LEMD3: variants seen among roughly 807,000 people sequenced by gnomAD.
LEMD3 encodes the protein inner nuclear membrane protein Man1.
LEMD3 carries 33 observed loss-of-function variants against 95.2 expected under a neutral mutation model. The ratio of observed to expected loss-of-function variants is 0.35; its 90% CI spans 0.26 to 0.46. The LOEUF (loss-of-function observed/expected upper bound fraction) is 0.46. Ranked by LOEUF, LEMD3 falls within the 20% of genes least tolerant of loss-of-function variation. LEMD3 has a pLI of 1.00. For missense variants in LEMD3, 1,210 were observed against 1,192.8 expected, an observed-to-expected ratio of 1.01 and a Z score of -0.21; for synonymous variants, 525 against 474.6, an observed-to-expected ratio of 1.11 and a Z score of -1.38.
intron 1 of LEMD3, 127 bp downstream of exon 1, chr12:65,171,245 A>G (rs900962982): frequency 1.3e-6 from 2 of 1,504,086 alleles, no homozygotes. Context: ...AAAACGCAAC[A>G]GTGCGTGCAT....
At chr12:65,220,451 T>C (rs143022109) in intron 4 of LEMD3, among the ~76,000 whole-genome samples, 3 of 152,378 alleles carry the variant, frequency 2.0e-5, no homozygotes, top group South Asian at 2.1e-4. Context: ...GGGTTTCTTA[T>C]GCATTTTGCA....
intron 1 of LEMD3, among the ~76,000 whole-genome samples, chr12:65,205,766 T>A (rs1190102482): frequency 6.6e-6 from 1 of 152,122 alleles, no homozygotes; most frequent in Admixed American, 6.6e-5. Context: ...GGGATTACAA[T>A]TGAAAGGTTA....
rs535004445 is a variant in LEMD3 at position 65,201,973 on chromosome 12, A to G, written c.1523-8953A>G. On this transcript the variant is annotated intron_variant, in intron 1 of 12. Transcript: ENST00000308330. ...GGAAATTCCCTTGTATTCCTAGTTT[A>G]TTTTACTGAGAGTTTTTTTTGATGC... Among the ~76,000 whole-genome samples, 4 of 125,262 alleles carry G rather than the reference A, an allele frequency of 3.2e-5. No individual in the cohort carries two copies. The South Asian group carries it at 9.8e-4, about 31-fold the overall frequency. The allele number at this position is 125,262 out of a possible 152,430, so 82.2% of individuals were successfully genotyped here. A position where few individuals can be genotyped will look rare whatever the true frequency, so the allele number is the denominator to read the frequency against.
rs780305741 is a variant in LEMD3, at chr12:65,240,122, T to C, written c.2024-14T>C. 1.7e-5 allele frequency: 27 copies of C among 1,601,314 alleles called. No homozygotes were observed. Among genetic ancestry groups the C allele is most frequent in the Non-Finnish European group, 2.3e-5 (27 of 1,168,710 alleles). On this transcript the variant is annotated splice_polypyrimidine_tract_variant and intron_variant, in intron 7 of 12. Coordinates refer to ENST00000308330, the MANE Select transcript of LEMD3 (RefSeq NM_014319.5). ...CAAGTGATTGATTCATTTGTAAATT[T>C]TATTTATTTTTAGATGTTTTACGAA... is the stretch of plus-strand genomic sequence containing the variant.
chr12:65,214,903 C>T (rs1909340), intron 2 of LEMD3, among the ~76,000 whole-genome samples: 74,989 of 151,960 alleles, frequency 0.49, 20,159 homozygotes, highest in Middle Eastern at 0.67. Context: ...CTTTAGACTA[C>T]TTGGCAGGTA....
At chr12:65,232,284 G>T (rs1870653065) in intron 4 of LEMD3, among the ~76,000 whole-genome samples, 1 of 152,068 alleles carries the variant, frequency 6.6e-6, no homozygotes, top group African/African-American at 2.4e-5. Context: ...ATGAGAAAGA[G>T]ATCTATTACA....
At chr12:65,231,296 A>G (rs1189761258) in intron 4 of LEMD3, among the ~76,000 whole-genome samples, 9 of 152,180 alleles carry the variant, frequency 5.9e-5, no homozygotes. Context: ...AGAGAGCTTT[A>G]AACAGGATTT....
Position 65,216,060 on chromosome 12 carries a change from T to C in LEMD3, c.1627+17T>C. ...AGCTTGCAGGTAATTGTTTTAACTT[T>C]TATAGTTGCTAAAAATGTTTTGAAA... is the stretch of plus-strand genomic sequence containing the variant. On this transcript the variant is annotated intron_variant, in intron 3 of 12. Coordinates refer to ENST00000308330, the MANE Select transcript of LEMD3 (RefSeq NM_014319.5). 1 of 1,508,870 alleles carries C rather than the reference T, an allele frequency of 6.6e-7. No individual in the cohort carries two copies. Among genetic ancestry groups the C allele is most frequent in the African/African-American group, 1.4e-5 (1 of 73,042 alleles). The allele number at this position is 1,508,870 out of a possible 1,614,324, so 93.5% of individuals were successfully genotyped here. A position where few individuals can be genotyped will look rare whatever the true frequency, so the allele number is the denominator to read the frequency against.
intron 1 of LEMD3, among the ~76,000 whole-genome samples, chr12:65,196,467 T>TA (rs1249694110): frequency 2.0e-5 from 3 of 152,016 alleles, no homozygotes; most frequent in African/African-American, 7.2e-5. Flanking sequence ...CTCATTTCTC[T>TA]AAAAAAATCA....
At chr12:65,220,968 A>G (rs1870267539) in intron 4 of LEMD3, among the ~76,000 whole-genome samples, 2 of 152,084 alleles carry the variant, frequency 1.3e-5, no homozygotes, top group Admixed American at 6.6e-5. Flanking sequence ...TTTGATTACT[A>G]TAGTTTTGTC....
rs750611668 is a variant in LEMD3 at position 65,240,181 on chromosome 12, T to C, written c.2069T>C (p.Leu690Ser). 79 of 1,613,908 alleles carry C rather than the reference T, an allele frequency of 4.9e-5. No homozygotes were observed. Among genetic ancestry groups the C allele is most frequent in the Non-Finnish European group, 6.6e-5 (78 of 1,179,842 alleles). The change falls in exon 8 of 13, where the codon TTA (leucine) becomes TCA (serine). Residue 690 changes from leucine (L) to serine (S), a missense_variant. By Grantham distance (145) the Leu-to-Ser change is moderately radical. Transcript: ENST00000308330. ...GAAGCCTGCCAGGAAAACAAAGATT[T>C]ACAACCTTACATGCCTATTCCACAT... ...HNEACQENKD[L>S]QPYMPIPHVR...
At position 65,229,160 on chromosome 12, in the gene LEMD3, G is replaced by T. The variant is rs946772556; in HGVS notation, c.1696-9342G>T. ...AATATATGGTATTTGTCTTTCTGTG[G>T]TTGGCTTATTTCACTTAACATAATG... On this transcript the variant is annotated intron_variant, in intron 4 of 12. Transcript: ENST00000308330. Among the ~76,000 whole-genome samples, 74 of 152,098 alleles carry T rather than the reference G, an allele frequency of 4.9e-4. 1 individual carries two copies. The highest frequency in any genetic ancestry group is 4.6e-3 in the Admixed American group (71 of 15,274).
intron 1 of LEMD3, among the ~76,000 whole-genome samples, chr12:65,191,924 C>CAAAAAAAAAA (rs35109917): frequency 1.3e-5 from 1 of 74,298 alleles, no homozygotes; most frequent in Non-Finnish European, 2.5e-5. Context: ...GACTCCGTCT[C>CAAAAAAAAAA]AAAAAAAAAA....
chr12:65,189,124 A>T (rs539738597), intron 1 of LEMD3, among the ~76,000 whole-genome samples: 29 of 152,326 alleles, frequency 1.9e-4, no homozygotes, highest in African/African-American at 6.3e-4. Context: ...ATAGAATTGT[A>T]GCAATATACT....
At chr12:65,224,398 A>G (rs972752435) in intron 4 of LEMD3, among the ~76,000 whole-genome samples, 3 of 152,168 alleles carry the variant, frequency 2.0e-5, no homozygotes, top group African/African-American at 7.2e-5. Flanking sequence ...TTTGCTTTCC[A>G]CAGTTTCAGT....
intron 4 of LEMD3, among the ~76,000 whole-genome samples, chr12:65,226,446 T>C (rs937494218): frequency 6.6e-6 from 1 of 152,318 alleles, no homozygotes. Context: ...CGGTGTCTCA[T>C]TGAGGGAAGG....
At chr12:65,172,313 C>CT (rs1274641368) in intron 1 of LEMD3, among the ~76,000 whole-genome samples, 2 of 152,182 alleles carry the variant, frequency 1.3e-5, no homozygotes, top group Non-Finnish European at 2.9e-5. Flanking sequence ...GCTTCCTACT[C>CT]TTTTCACCCA....
chr12:65,169,610 C>A lies in LEMD3; in HGVS notation c.14C>A (p.Ala5Glu). MAAAAASAPQQLSDE... is the reference protein window; with the variant it reads MAAAEASAPQQLSDE... ...CCTGGAGAGAAAATGGCGGCGGCAG[C>A]AGCTTCGGCGCCTCAGCAGCTCTCG... The change falls in exon 1 of 13, where the codon GCA becomes GAA. Residue 5 changes from alanine (A) to glutamate (E), a missense_variant. Ala to Glu is a moderately radical substitution (Grantham distance 107). This residue lies in a region of LEMD3 where 749 missense variants were observed against 622.9 expected (regional missense o/e 1.20). Coordinates refer to ENST00000308330, the MANE Select transcript of LEMD3 (RefSeq NM_014319.5). 1 of 1,587,792 alleles carries A rather than the reference C, an allele frequency of 6.3e-7. No individual in the cohort carries two copies. Among genetic ancestry groups the A allele is most frequent in the Non-Finnish European group, 8.6e-7 (1 of 1,169,350 alleles).
At chr12:65,228,007 CTG>C (rs1195130564) in intron 4 of LEMD3, among the ~76,000 whole-genome samples, 1 of 152,016 alleles carries the variant, frequency 6.6e-6, no homozygotes, top group African/African-American at 2.4e-5. Context: ...ACTGACTGTA[CTG>C]TGTTTGAAGG....
Sources: allele counts gnomAD v4.1 joint callset (sites outside exome capture counted in the v4.1 genomes callset), GRCh38; gene constraint gnomAD v4.1.1; regional missense constraint gnomAD v4.1.1; transcripts MANE v1.5; gene names NCBI Gene and HGNC (gene_info 2026-07-23, HGNC 2026-07-21).